The following SPIDR variants were observed in gnomAD, a reference collection of about 807,000 sequenced individuals.
SPIDR encodes DNA repair-scaffolding protein.
Under a neutral mutation model 104.6 loss-of-function variants are expected in SPIDR, and 93 were observed. The ratio of observed to expected loss-of-function variants is 0.89; its 90% CI spans 0.75 to 1.06. The LOEUF is 1.06. SPIDR is among the 50% of genes least tolerant of loss of function. SPIDR has a pLI of 0.00. For synonymous variants in SPIDR, 431 were observed against 416.9 expected, an observed-to-expected ratio of 1.03 and a Z score of -0.41; for missense variants, 1,154 against 1,111.2, an observed-to-expected ratio of 1.04 and a Z score of -0.55.
At chr8:47,586,748 A>T (rs2060290646) in intron 8 of SPIDR, among the ~76,000 whole-genome samples, 1 of 152,014 alleles carries the variant, frequency 6.6e-6, no homozygotes, top group African/African-American at 2.4e-5. Flanking sequence ...GATAAGTTCT[A>T]GTTTATCAAG....
At chr8:47,692,645 A>C (rs2078836193) in intron 11 of SPIDR, among the ~76,000 whole-genome samples, 1 of 151,634 alleles carries the variant, frequency 6.6e-6, no homozygotes, top group Admixed American at 6.6e-5. Context: ...TTACAGGTGC[A>C]TGCCACCACA....
rs186885696 is a variant in SPIDR at position 47,508,637 on chromosome 8, A to G, written c.1097+68095A>G. On this transcript the variant is annotated intron_variant, in intron 8 of 19. Coordinates refer to ENST00000297423, the MANE Select transcript of SPIDR (RefSeq NM_001080394.4). ...TTCTTGAGCCCCTCGAATTCTAACA[A>G]TGCTCACTGCATAGGTCAAGACACA... is the stretch of plus-strand genomic sequence containing the variant. 1.7e-3 allele frequency among the ~76,000 whole-genome samples: 253 copies of G among 152,332 alleles called. 2 individuals are homozygous for G. Among genetic ancestry groups the G allele is most frequent in the Non-Finnish European group, 1.4e-3 (95 of 68,034 alleles).
intron 8 of SPIDR, among the ~76,000 whole-genome samples, chr8:47,560,323 T>C (rs1371248797): frequency 6.6e-6 from 1 of 152,250 alleles, no homozygotes; most frequent in African/African-American, 2.4e-5. Context: ...GTACAGATTC[T>C]TGGGCCCAGC....
At chr8:47,635,013 T>C (rs2067673184) in intron 10 of SPIDR, among the ~76,000 whole-genome samples, 1 of 152,018 alleles carries the variant, frequency 6.6e-6, no homozygotes, top group African/African-American at 2.4e-5. Flanking sequence ...AGTCCTAAAG[T>C]TTGCTGTGTT....
intron 8 of SPIDR, among the ~76,000 whole-genome samples, chr8:47,440,821 T>G (rs1554696502): frequency 6.6e-6 from 1 of 152,164 alleles, no homozygotes; most frequent in Admixed American, 6.5e-5. Context: ...GATCTGGCTG[T>G]TTTTGTTTTT....
chr8:47,469,791 G>A lies in SPIDR; in HGVS notation c.1097+29249G>A, dbSNP rs372670557. Among the ~76,000 whole-genome samples, 31 of 152,214 alleles carry A rather than the reference G, an allele frequency of 2.0e-4. 1 individual carries two copies. Among genetic ancestry groups the A allele is most frequent in the African/African-American group, 7.2e-4 (30 of 41,524 alleles). On this transcript the variant is annotated intron_variant, in intron 8 of 19. Transcript: ENST00000297423. Reference sequence around the variant, plus strand: ...GTACTAGGCTTAATACCTGGGTGATGAAATAATCCGTACAACAAATTTCTA... The same window carrying A: ...GTACTAGGCTTAATACCTGGGTGATAAAATAATCCGTACAACAAATTTCTA...
intron 6 of SPIDR, among the ~76,000 whole-genome samples, chr8:47,398,784 A>G (rs1014911149): frequency 6.6e-6 from 1 of 152,150 alleles, no homozygotes; most frequent in Non-Finnish European, 1.5e-5. Context: ...AACCTGTCCA[A>G]GGCCTGAGTC....
intron 5 of SPIDR, among the ~76,000 whole-genome samples, chr8:47,384,978 ATTTTG>A (rs1217284246): frequency 6.6e-6 from 1 of 151,858 alleles, no homozygotes; most frequent in African/African-American, 2.4e-5. Flanking sequence ...TTCTCCCTCC[ATTTTG>A]TTTTGTTTTG....
chr8:47,622,847 T>C (rs1190620374), intron 10 of SPIDR, among the ~76,000 whole-genome samples: 1 of 152,182 alleles, frequency 6.6e-6, no homozygotes, highest in Non-Finnish European at 1.5e-5. Context: ...TATGAAATTA[T>C]CCAGGCACCC....
intron 1 of SPIDR, among the ~76,000 whole-genome samples, chr8:47,273,147 G>T (rs1315542405): frequency 1.1e-4 from 16 of 152,110 alleles, no homozygotes; most frequent in Non-Finnish European, 2.4e-4. Flanking sequence ...GATCACGCAG[G>T]TTCAGGGCTC....
intron 5 of SPIDR, among the ~76,000 whole-genome samples, chr8:47,298,447 CTTTAG>C (rs1252520784): frequency 6.6e-6 from 1 of 152,122 alleles, no homozygotes; most frequent in Non-Finnish European, 1.5e-5. Context: ...TGCAGAAGCT[CTTTAG>C]TTTAATTAGA....
At chr8:47,519,588 G>A (rs1160462769) in intron 8 of SPIDR, among the ~76,000 whole-genome samples, 1 of 152,192 alleles carries the variant, frequency 6.6e-6, no homozygotes, top group Admixed American at 6.5e-5. Flanking sequence ...TTCAGAACTA[G>A]TCTGGGCAAT....
intron 7 of SPIDR, among the ~76,000 whole-genome samples, chr8:47,409,137 G>A (rs1554669475): frequency 6.6e-6 from 1 of 152,188 alleles, no homozygotes; most frequent in East Asian, 1.9e-4. Flanking sequence ...AGTGAGCCAA[G>A]GTTGTGCCAC....
At chr8:47,664,659 G>A (rs1401347042) in intron 10 of SPIDR, among the ~76,000 whole-genome samples, 1 of 145,926 alleles carries the variant, frequency 6.9e-6, no homozygotes, top group Non-Finnish European at 1.5e-5. Context: ...TGTAATCCAA[G>A]CATTTTGGGA....
chr8:47,531,892 A>G (rs755463426), intron 8 of SPIDR, among the ~76,000 whole-genome samples: 8 of 152,216 alleles, frequency 5.3e-5, no homozygotes, highest in Non-Finnish European at 8.8e-5. Flanking sequence ...AGAATCATAT[A>G]AAATGGCCAA....
rs539068516 is a variant in SPIDR at position 47,416,846 on chromosome 8, G to T, written c.877+8885G>T. ...TGTGTCCATGTGTTCTCATTGTTCA[G>T]TTCCCACCTATGAGTGAGAACACGC... On this transcript the variant is annotated intron_variant, in intron 7 of 19. Coordinates refer to ENST00000297423, the MANE Select transcript of SPIDR (RefSeq NM_001080394.4). Among the ~76,000 whole-genome samples, 291 of 151,814 alleles carry T rather than the reference G, an allele frequency of 1.9e-3. 1 individual carries two copies. Among genetic ancestry groups the T allele is most frequent in the African/African-American group, 6.2e-3 (258 of 41,420 alleles).
intron 8 of SPIDR, among the ~76,000 whole-genome samples, chr8:47,457,098 T>A (rs2073118938): frequency 6.6e-6 from 1 of 152,186 alleles, no homozygotes; most frequent in African/African-American, 2.4e-5. Flanking sequence ...CTGTAACAAC[T>A]TCTTTTCCTC....
At chr8:47,506,941 A>G (rs2081575158) in intron 8 of SPIDR, among the ~76,000 whole-genome samples, 2 of 152,186 alleles carry the variant, frequency 1.3e-5, no homozygotes. Flanking sequence ...GAGGCTGCCC[A>G]TGTTGTACTT....
chr8:47,274,175 T>C (rs1417436919), intron 1 of SPIDR, among the ~76,000 whole-genome samples: 1 of 152,222 alleles, frequency 6.6e-6, no homozygotes, highest in East Asian at 1.9e-4. Flanking sequence ...TGACCAGATA[T>C]ATTTCATGTT....
Sources: allele counts gnomAD v4.1 joint callset (sites outside exome capture counted in the v4.1 genomes callset), GRCh38; gene constraint gnomAD v4.1.1; transcripts MANE v1.5; gene names NCBI Gene and HGNC (gene_info 2026-07-23, HGNC 2026-07-21).